KDM4C: variants seen among roughly 807,000 people sequenced by gnomAD.
KDM4C encodes the protein lysine-specific demethylase 4C.
Under a neutral mutation model 129.3 loss-of-function variants are expected in KDM4C, and 81 were observed. That is an observed-to-expected ratio of 0.63 (90% CI 0.52 to 0.75). The LOEUF (loss-of-function observed/expected upper bound fraction) is 0.75. Among genes scored for constraint, KDM4C ranks in the 30% least tolerant of loss-of-function variants. KDM4C has a pLI of 0.00. For synonymous variants in KDM4C, 573 were observed against 456.1 expected, an observed-to-expected ratio of 1.26 and a Z score of -3.26; for missense variants, 1,457 against 1,304.0, an observed-to-expected ratio of 1.12 and a Z score of -1.81.
chr9:7,113,438 A>G (rs1838554951), intron 18 of KDM4C, among the ~76,000 whole-genome samples: 2 of 152,200 alleles, frequency 1.3e-5, no homozygotes, highest in African/African-American at 2.4e-5. Flanking sequence ...ATTTAAATAT[A>G]TCCCATTAAA....
chr9:7,044,159 A>G (rs943391696), intron 15 of KDM4C, among the ~76,000 whole-genome samples: 1 of 152,028 alleles, frequency 6.6e-6, no homozygotes, highest in Non-Finnish European at 1.5e-5. Context: ...AATGCCTGAG[A>G]TAGAAGTACC....
chr9:7,015,973 T>C (rs903911889), intron 15 of KDM4C, 44 bp downstream of exon 15: 10 of 1,374,994 alleles, frequency 7.3e-6, no homozygotes, highest in Non-Finnish European at 8.3e-6. Context: ...CTTCCCACCC[T>C]ACCCACTGTG....
At chr9:6,923,359 TG>T (rs904386350) in intron 8 of KDM4C, among the ~76,000 whole-genome samples, 47 of 152,328 alleles carry the variant, frequency 3.1e-4, no homozygotes, top group African/African-American at 1.1e-3. Flanking sequence ...TCCGTTTAAA[TG>T]TTTTTTTTTC....
chr9:6,821,550 C>T (rs1397502100), intron 4 of KDM4C, among the ~76,000 whole-genome samples: 2 of 152,098 alleles, frequency 1.3e-5, no homozygotes, highest in African/African-American at 4.8e-5. Flanking sequence ...TATCCTTTGC[C>T]CACTTTTTGA....
At chr9:6,722,114 A>C (rs1483656134) in intron 1 of KDM4C, among the ~76,000 whole-genome samples, 2 of 152,182 alleles carry the variant, frequency 1.3e-5, no homozygotes, top group Non-Finnish European at 2.9e-5. Flanking sequence ...AGCCTAGGAC[A>C]ACTCTGTTAG....
intron 1 of KDM4C, among the ~76,000 whole-genome samples, chr9:6,784,059 TG>T (rs1313058496): frequency 1.3e-5 from 2 of 152,086 alleles, no homozygotes; most frequent in Non-Finnish European, 1.5e-5. Context: ...TTAATTTGAA[TG>T]TTTTTTTTTT....
intron 4 of KDM4C, among the ~76,000 whole-genome samples, chr9:6,846,518 A>T (rs187706397): frequency 6.6e-6 from 1 of 151,894 alleles, no homozygotes; most frequent in East Asian, 2.0e-4. Context: ...TAGAGAACAA[A>T]AATTGGAGAA....
Position 7,040,302 on chromosome 9 carries a change from C to T in KDM4C, c.2260-6560C>T, listed in dbSNP as rs868452454. Among the ~76,000 whole-genome samples, 110 of 149,752 alleles carry T rather than the reference C, an allele frequency of 7.3e-4. No homozygotes were observed. In the Middle Eastern group the frequency reaches 0.02, roughly 28 times the overall value. On this transcript the variant is annotated intron_variant, in intron 15 of 21. Transcript: ENST00000381309. ...TTCATTCTCTCTTTCCCTTTCCTTC[C>T]CTCCCTCCCTCTGTCTCTCTTTCCC...
intron 1 of KDM4C, among the ~76,000 whole-genome samples, chr9:6,764,717 A>T (rs942089249): frequency 4.6e-5 from 7 of 152,288 alleles, no homozygotes; most frequent in Non-Finnish European, 1.0e-4. Context: ...CTGGGTTTAT[A>T]TTGTATATTA....
rs1491581614 is a variant in KDM4C at position 7,068,682 on chromosome 9, C to CTCTCTTTTTTTTTTTTTTTTT, written c.2424+19483_2424+19484insCTCTTTTTTTTTTTTTTTTTT. The stretch of plus-strand genomic sequence containing the variant: ...CTATTTCATACATGTTTATGATGCC[C>CTCTCTTTTTTTTTTTTTTTTT]TTTCTTTTTTTTTTTTTTTTTTTTT... On this transcript the variant is annotated intron_variant, in intron 17 of 21. Transcript: ENST00000381309. Among the ~76,000 whole-genome samples, 33 of 88,532 alleles carry CTCTCTTTTTTTTTTTTTTTTT rather than the reference C, an allele frequency of 3.7e-4. 13 individuals carry two copies. Among genetic ancestry groups the CTCTCTTTTTTTTTTTTTTTTT allele is most frequent in the Non-Finnish European group, 4.6e-4 (20 of 43,514 alleles). The allele number at this position is 88,532 out of a possible 152,430, so 58.1% of individuals were successfully genotyped here.
chr9:6,776,425 C>T (rs1305110584), intron 1 of KDM4C, among the ~76,000 whole-genome samples: 1 of 151,948 alleles, frequency 6.6e-6, no homozygotes, highest in Non-Finnish European at 1.5e-5. Context: ...TCACGACCAG[C>T]TAATTTTTTG....
upstream of KDM4C, among the ~76,000 whole-genome samples, chr9:6,757,012 G>GC (rs751213108): frequency 2.0e-5 from 3 of 152,234 alleles, no homozygotes; most frequent in East Asian, 5.8e-4. Context: ...CGCCACAAGG[G>GC]ACCCAGCTGG....
chr9:7,055,742 TCAGATATA>T (rs1345310207), intron 17 of KDM4C, among the ~76,000 whole-genome samples: 1 of 152,220 alleles, frequency 6.6e-6, no homozygotes, highest in Non-Finnish European at 1.5e-5. Flanking sequence ...ACTCATGTTA[TCAGATATA>T]CTGAATACTA....
intron 4 of KDM4C, among the ~76,000 whole-genome samples, chr9:6,836,856 A>G (rs893802729): frequency 6.6e-5 from 10 of 150,956 alleles, no homozygotes; most frequent in African/African-American, 2.2e-4. Context: ...GCCAGTGAAC[A>G]TTTTCTTTCT....
At chr9:6,870,158 C>T (rs1295045186) in intron 5 of KDM4C, among the ~76,000 whole-genome samples, 1 of 152,018 alleles carries the variant, frequency 6.6e-6, no homozygotes, top group Non-Finnish European at 1.5e-5. Flanking sequence ...CAAGAACTCC[C>T]TTGCATCCCC....
At chr9:6,830,302 C>G (rs1015804044) in intron 4 of KDM4C, among the ~76,000 whole-genome samples, 2 of 152,166 alleles carry the variant, frequency 1.3e-5, no homozygotes, top group African/African-American at 4.8e-5. Context: ...TACAATCTCC[C>G]TCATAATTCA....
chr9:7,027,351 C>A (rs1437614884), intron 15 of KDM4C, among the ~76,000 whole-genome samples: 2 of 152,208 alleles, frequency 1.3e-5, no homozygotes, highest in African/African-American at 4.8e-5. Context: ...GTACTGTCTT[C>A]ATGTTCTTGG....
At chr9:6,828,208 C>A (rs938232835) in intron 4 of KDM4C, among the ~76,000 whole-genome samples, 1 of 151,834 alleles carries the variant, frequency 6.6e-6, no homozygotes, top group African/African-American at 2.4e-5. Context: ...AGTGCAGTGG[C>A]GTGATCTCAG....
At chr9:6,823,826 C>T (rs1007770126) in intron 4 of KDM4C, among the ~76,000 whole-genome samples, 1 of 152,210 alleles carries the variant, frequency 6.6e-6, no homozygotes, top group African/African-American at 2.4e-5. Flanking sequence ...TGATGGGCCT[C>T]CTTCCTTCAG....
Sources: allele counts gnomAD v4.1 joint callset (sites outside exome capture counted in the v4.1 genomes callset), GRCh38; gene constraint gnomAD v4.1.1; transcripts MANE v1.5; gene names NCBI Gene and HGNC (gene_info 2026-07-23, HGNC 2026-07-21).